The following POLR2B variants were observed in gnomAD, a reference collection of about 807,000 sequenced individuals.
POLR2B encodes DNA-directed RNA polymerase II subunit RPB2.
POLR2B carries 57 observed loss-of-function variants against 144.6 expected under a neutral mutation model. That is an observed-to-expected ratio of 0.39 (90% confidence interval 0.32 to 0.49). The LOEUF (loss-of-function observed/expected upper bound fraction) is 0.49. POLR2B is among the 20% of genes least tolerant of loss of function. The pLI, the probability that POLR2B is intolerant of heterozygous loss-of-function variation, is 0.83. For synonymous variants in POLR2B, 442 were observed against 469.8 expected, an observed-to-expected ratio of 0.94 and a Z score of 0.77; for missense variants, 595 against 1,467.4, an observed-to-expected ratio of 0.41 and a Z score of 9.71.
At chr4:56,993,842 A>G (rs1275009680) in intron 3 of POLR2B, among the ~76,000 whole-genome samples, 2 of 152,132 alleles carry the variant, frequency 1.3e-5, no homozygotes, top group African/African-American at 4.8e-5. Flanking sequence ...AAAATGTTCT[A>G]TTGATTAGAT....
chr4:57,017,783 T>C lies in POLR2B; in HGVS notation c.2323+55T>C. The C allele has an allele frequency of 7.6e-7, 1 of 1,316,000 alleles. No homozygotes were observed. The highest frequency in any genetic ancestry group is 1.1e-6 in the Non-Finnish European group (1 of 934,886). 81.5% of individuals were successfully genotyped at this position (1,316,000 alleles called of 1,614,324 possible). A position where few individuals can be genotyped will look rare whatever the true frequency, so the allele number is the denominator to read the frequency against. ...AGATCCTTCTGTGCTTAAGGCACTT[T>C]TCTGGGTGCTTGGGAGGATTAAAAA... On this transcript the variant is annotated intron_variant, in intron 16 of 24. Coordinates refer to ENST00000314595, the MANE Select transcript of POLR2B (RefSeq NM_000938.3). This position sits in a 1 kb window ranked among gnomAD's most constrained non-coding sequence, Gnocchi z 4.8.
At chr4:57,021,802 T>G (rs958543379) in intron 17 of POLR2B, among the ~76,000 whole-genome samples, 6 of 152,134 alleles carry the variant, frequency 3.9e-5, no homozygotes, top group Admixed American at 2.6e-4. Flanking sequence ...GCTCAGCCAA[T>G]GTTAAAACTT....
chr4:56,997,480 C>T (rs578155977), intron 6 of POLR2B, among the ~76,000 whole-genome samples: 121 of 152,344 alleles, frequency 7.9e-4, no homozygotes, highest in African/African-American at 2.8e-3. Flanking sequence ...TGGTCTCGAA[C>T]TCCTGAGCTC....
At chr4:56,991,520 A>C (rs993425559) in intron 3 of POLR2B, among the ~76,000 whole-genome samples, 4 of 152,202 alleles carry the variant, frequency 2.6e-5, no homozygotes, top group Non-Finnish European at 5.9e-5. Flanking sequence ...TTGGACTTTG[A>C]GAGACAGGGA....
intron 13 of POLR2B, among the ~76,000 whole-genome samples, chr4:57,012,775 ATG>A (rs1236925388): frequency 6.6e-6 from 1 of 152,002 alleles, no homozygotes. Flanking sequence ...AGAAATTCTC[ATG>A]CCTCAGCCTC....
In POLR2B at chr4:57,020,968, G is replaced by A. The variant is rs1723525403; in HGVS notation, c.2393G>A (p.Arg798His). ...CAGGAAGACTCTGTTATCATGAATCGTTCAGCTGTAGACCGCGGCTTCTTC... is the reference window on the plus strand; with the variant it reads ...CAGGAAGACTCTGTTATCATGAATCATTCAGCTGTAGACCGCGGCTTCTTC... Reference protein sequence around the residue: ...YNQEDSVIMNRSAVDRGFFRS... With the variant: ...YNQEDSVIMNHSAVDRGFFRS... Residue 798 changes from arginine (R) to histidine (H), a missense_variant, in exon 17 of 25, where the codon CGT becomes CAT. Arg to His is a conservative substitution (Grantham distance 29). Transcript: ENST00000314595. The A allele has an allele frequency of 1.2e-6, 2 of 1,603,544 alleles. No homozygotes were observed. Among genetic ancestry groups the A allele is most frequent in the Non-Finnish European group, 8.5e-7 (1 of 1,170,334 alleles).
chr4:56,978,961 A>C lies in POLR2B; in HGVS notation c.-25A>C. Reference sequence around the variant, plus strand: ...TTTTTGTCTTTTGATTTCAAGAGTTAGGAGCTCGAGAACCGTTTGGCAATA... The same window carrying C: ...TTTTTGTCTTTTGATTTCAAGAGTTCGGAGCTCGAGAACCGTTTGGCAATA... On this transcript the variant is annotated 5_prime_UTR_variant, in exon 1 of 25. Coordinates refer to ENST00000314595, the MANE Select transcript of POLR2B (RefSeq NM_000938.3). 2 of 1,612,820 alleles carry C rather than the reference A, an allele frequency of 1.2e-6. No homozygotes were observed. Among genetic ancestry groups the C allele is most frequent in the Non-Finnish European group, 1.7e-6 (2 of 1,178,946 alleles).
chr4:57,030,844 A>C, intron 24 of POLR2B, 55 bp from the exon 25 acceptor site: 1 of 966,200 alleles, frequency 1.0e-6, no homozygotes, highest in East Asian at 2.4e-5. Flanking sequence ...TGGGGTAGAG[A>C]AGTGGGGTCA....
At position 56,986,445 on chromosome 4, in the gene POLR2B, G is replaced by T; in HGVS notation, c.92+19G>T. The T allele has an allele frequency of 1.3e-6, 2 of 1,531,250 alleles. No homozygotes were observed. Among genetic ancestry groups the T allele is most frequent in the Non-Finnish European group, 1.8e-6 (2 of 1,105,808 alleles). The allele number at this position is 1,531,250 out of a possible 1,614,324, so 94.9% of individuals were successfully genotyped here. A position where few individuals can be genotyped will look rare whatever the true frequency, so the allele number is the denominator to read the frequency against. On this transcript the variant is annotated intron_variant, in intron 2 of 24. Transcript: ENST00000314595. ...TAATCAGGTAACTTTGGACCAAACTGAATTAGCCTGAAAAGGCACTTTAGA... is the reference window on the plus strand; with the variant it reads ...TAATCAGGTAACTTTGGACCAAACTTAATTAGCCTGAAAAGGCACTTTAGA...
Position 57,030,387 on chromosome 4 carries a change from C to T in POLR2B, c.3423C>T (p.Arg1141=), listed in dbSNP as rs1438264366. 1.9e-6 allele frequency: 3 copies of T among 1,610,346 alleles called. No individual in the cohort carries two copies. The highest frequency in any genetic ancestry group is 2.5e-6 in the Non-Finnish European group (3 of 1,177,448). The part of the protein sequence containing the change: ...RTHTYECRGC[R]NKTQISLVRM... ...ATACATATGAATGCAGGGGCTGCCG[C>T]AATAAAACCCAGGTGTGTATAGACT... Residue 1141 remains arginine (R), a synonymous_variant, in exon 24 of 25, where the codon CGC becomes CGT. Coordinates refer to ENST00000314595, the MANE Select transcript of POLR2B (RefSeq NM_000938.3).
At position 56,999,643 on chromosome 4, in the gene POLR2B, G is replaced by T; in HGVS notation, c.762G>T (p.Gln254His). 1 of 1,612,428 alleles carries T rather than the reference G, an allele frequency of 6.2e-7. No individual in the cohort carries two copies. Among genetic ancestry groups the T allele is most frequent in the Non-Finnish European group, 8.5e-7 (1 of 1,178,918 alleles). The part of the protein sequence containing the change: ...GQGAKKSAIG[Q>H]RIVATLPYIK... ...GTGCCAAGAAGAGTGCTATTGGTCAGCGCATTGTGGCAACTCTACCATATA... is the reference window on the plus strand; with the variant it reads ...GTGCCAAGAAGAGTGCTATTGGTCATCGCATTGTGGCAACTCTACCATATA... The change falls in exon 7 of 25, where the codon CAG becomes CAT. Residue 254 changes from glutamine to histidine, a missense_variant. Around this residue, in one of 9 missense-constraint regions of POLR2B, gnomAD observed 251 missense variants for 567.3 expected, o/e 0.44. Transcript: ENST00000314595.
chr4:56,979,110 A>T lies in POLR2B; in HGVS notation c.19+106A>T, dbSNP rs933024132. On this transcript the variant is annotated intron_variant, in intron 1 of 24. Coordinates refer to ENST00000314595, the MANE Select transcript of POLR2B (RefSeq NM_000938.3). ...GGGCCTTCCCATGCGCCGGCTGCAC[A>T]GTCCCCAGCCTTGTTCCCACACTTA... 5.1e-6 allele frequency: 6 copies of T among 1,175,128 alleles called. No homozygotes were observed. The African/African-American group carries it at 9.0e-5, about 18-fold the overall frequency. The allele number at this position is 1,175,128 out of a possible 1,614,324, so 72.8% of individuals were successfully genotyped here.
At chr4:56,995,115 G>T in intron 5 of POLR2B, 136 bp from the exon 6 acceptor site, 1 of 710,236 alleles carries the variant, frequency 1.4e-6, no homozygotes. Flanking sequence ...ATGCAAAATG[G>T]AGTTTGTAAA....
chr4:56,999,237 T>A (rs1277279), intron 6 of POLR2B, among the ~76,000 whole-genome samples: 123,601 of 138,774 alleles, frequency 0.89, 55,096 homozygotes, highest in East Asian at 0.97. Context: ...TTTACCTCTC[T>A]TCTATTTCTT....
chr4:56,991,359 C>T (rs757381615), intron 3 of POLR2B, among the ~76,000 whole-genome samples: 2 of 152,262 alleles, frequency 1.3e-5, no homozygotes, highest in African/African-American at 2.4e-5. Context: ...AGCTTTTGCT[C>T]ACATATATGC....
intron 3 of POLR2B, 134 bp downstream of exon 3, chr4:56,991,032 A>G (rs753313755): frequency 5.7e-5 from 33 of 575,296 alleles, no homozygotes; most frequent in Non-Finnish European, 8.1e-5. Context: ...ACCGTCAATC[A>G]CTTTCTGATT....
chr4:57,020,792 C>T, intron 16 of POLR2B, 107 bp from the exon 17 acceptor site: 1 of 757,304 alleles, frequency 1.3e-6, no homozygotes, highest in Non-Finnish European at 2.4e-6. Flanking sequence ...ATAACAAACA[C>T]CCAAGCATTT....
intron 2 of POLR2B, 87 bp from the exon 3 acceptor site, chr4:56,990,661 A>G: frequency 8.6e-7 from 1 of 1,157,552 alleles, no homozygotes; most frequent in South Asian, 1.5e-5. Context: ...TTTCTTGAAT[A>G]ATGAAAATGG....
chr4:57,023,301 T>C lies in POLR2B; in HGVS notation c.2516-29T>C. On this transcript the variant is annotated intron_variant, in intron 18 of 24. Coordinates refer to ENST00000314595, the MANE Select transcript of POLR2B (RefSeq NM_000938.3). This position sits in a 1 kb window ranked among gnomAD's most constrained non-coding sequence, Gnocchi z 4.3. ...GGTTTTTAATCTTTGTTGGGGATTA[T>C]GTGACATTCCGTGTCTATTTCCTCA... 1 of 1,611,324 alleles carries C rather than the reference T, an allele frequency of 6.2e-7. No individual in the cohort carries two copies. Among genetic ancestry groups the C allele is most frequent in the Non-Finnish European group, 8.5e-7 (1 of 1,178,110 alleles).
Sources: gnomAD v4.1 joint callset for allele counts (sites outside exome capture counted in the v4.1 genomes callset) on GRCh38, gnomAD v4.1.1 for gene constraint, gnomAD v4.1.1 regional missense constraint, Gnocchi (gnomAD v3.1) non-coding constraint, MANE v1.5 for transcripts, NCBI Gene and HGNC (gene_info 2026-07-23, HGNC 2026-07-21) for gene names.